Variants in KCNQ4 observed in about 807,000 individuals in gnomAD.
KCNQ4 encodes the protein potassium voltage-gated channel subfamily Q member 4.
A neutral mutation model predicts 72.6 loss-of-function variants in KCNQ4; 31 were observed. The observed-to-expected ratio is 0.43, with a 90% CI of 0.32 to 0.58. The LOEUF (loss-of-function observed/expected upper bound fraction) is 0.58. Ranked by LOEUF, KCNQ4 falls within the 20% of genes least tolerant of loss-of-function variation. The pLI, the probability that KCNQ4 is intolerant of heterozygous loss-of-function variation, is 0.08. For missense variants in KCNQ4, 869 were observed against 962.6 expected (o/e 0.90, Z 1.29); for synonymous variants, 405 against 403.7 (o/e 1.00, Z -0.04).
At chr1:40,820,018 G>T in intron 6 of KCNQ4, 33 bp downstream of exon 6, 1 of 1,587,524 alleles carries the variant, frequency 6.3e-7, no homozygotes, top group Non-Finnish European at 8.7e-7. Context: ...GGTGGGGGAG[G>T]CTGAGGGTGG....
At chr1:40,820,286 T>G in intron 7 of KCNQ4, 26 bp downstream of exon 7, 1 of 1,566,032 alleles carries the variant, frequency 6.4e-7, no homozygotes. Context: ...GAAGAAGCCC[T>G]AGGAGCAGGG....
At chr1:40,834,884 G>C in intron 11 of KCNQ4, 83 bp from the exon 12 acceptor site, 3 of 1,580,864 alleles carry the variant, frequency 1.9e-6, no homozygotes, top group Middle Eastern at 1.7e-4. Flanking sequence ...GCTGGACAAG[G>C]GGATAGCAAA....
Position 40,837,713 on chromosome 1 carries a change from G to A in KCNQ4, c.1794G>A (p.Glu598=). 1.2e-6 allele frequency: 2 copies of A among 1,613,534 alleles called. No individual in the cohort carries two copies. Among genetic ancestry groups the A allele is most frequent in the Non-Finnish European group, 1.7e-6 (2 of 1,179,814 alleles). Residue 598 remains glutamate, a synonymous_variant, in exon 13 of 14, where the codon GAG becomes GAA. Transcript: ENST00000347132. ...GRGPGDRKAR[E]KGDKGPSDAE... ...GGCCCGGGGACAGGAAGGCCCGGGA[G>A]AAGGGCGACAAGGGGCCCTCCGACG...
At chr1:40,805,903 G>A (rs1647743829) in intron 1 of KCNQ4, among the ~76,000 whole-genome samples, 1 of 151,932 alleles carries the variant, frequency 6.6e-6, no homozygotes, top group African/African-American at 2.4e-5. Flanking sequence ...GTGCAGTGGC[G>A]CAATCTCGGC....
At position 40,818,210 on chromosome 1, in the gene KCNQ4, T is replaced by C; in HGVS notation, c.452T>C (p.Val151Ala). 1.9e-6 allele frequency: 3 copies of C among 1,613,850 alleles called. No individual in the cohort carries two copies. Among genetic ancestry groups the C allele is most frequent in the Non-Finnish European group, 1.7e-6 (2 of 1,180,006 alleles). Residue 151 changes from valine (V) to alanine (A), a missense_variant, in exon 3 of 14, where the codon GTC becomes GCC. Around this residue, in one of 5 missense-constraint regions of KCNQ4, gnomAD observed 179 missense variants for 243.0 expected, o/e 0.74. Coordinates refer to ENST00000347132, the MANE Select transcript of KCNQ4 (RefSeq NM_004700.4). ...VVFGLEYIVR[V>A]WSAGCCCRYR... ...TTCGGCTTGGAGTACATCGTCCGGG[T>C]CTGGTCCGCCGGATGCTGCTGCCGC...
At position 40,838,210 on chromosome 1, in the gene KCNQ4, C is replaced by A; in HGVS notation, c.1876-101C>A. The A allele has an allele frequency of 3.0e-6, 3 of 1,001,608 alleles. No homozygotes were observed. In the South Asian group the frequency reaches 3.9e-5, roughly 13 times the overall value. The allele number at this position is 1,001,608 out of a possible 1,614,324, so 62.0% of individuals were successfully genotyped here. ...ATTTGTGCTTCCCAGATAAGCCCCG[C>A]CCACTCCACCGGCTAGGGTCCGCCC... On this transcript the variant is annotated intron_variant, in intron 13 of 13. Coordinates refer to ENST00000347132, the MANE Select transcript of KCNQ4 (RefSeq NM_004700.4).
intron 1 of KCNQ4, among the ~76,000 whole-genome samples, chr1:40,795,226 G>A (rs555430958): frequency 6.6e-6 from 1 of 150,736 alleles, no homozygotes; most frequent in African/African-American, 2.4e-5. Flanking sequence ...AAAGTGCTGT[G>A]AAGAACAGGG....
intron 6 of KCNQ4, 80 bp from the exon 7 acceptor site, chr1:40,820,085 C>A: frequency 6.6e-7 from 1 of 1,525,384 alleles, no homozygotes; most frequent in Non-Finnish European, 9.1e-7. Context: ...CTCAGAGGGG[C>A]AAGGATGGGG....
intron 1 of KCNQ4, among the ~76,000 whole-genome samples, chr1:40,805,519 TG>T (rs1647730984): frequency 1.3e-5 from 2 of 152,020 alleles, no homozygotes; most frequent in Non-Finnish European, 2.9e-5. Flanking sequence ...TCAGATGTGT[TG>T]GATTTGTTTT....
chr1:40,801,111 A>G (rs1647560175), intron 1 of KCNQ4, among the ~76,000 whole-genome samples: 2 of 147,482 alleles, frequency 1.4e-5, no homozygotes, highest in Non-Finnish European at 3.0e-5. Context: ...TCAGACTGCA[A>G]GGTAAGTGGA....
At chr1:40,803,071 T>G (rs1450995598) in intron 1 of KCNQ4, among the ~76,000 whole-genome samples, 1 of 152,246 alleles carries the variant, frequency 6.6e-6, no homozygotes, top group East Asian at 1.9e-4. Context: ...CTGGAAGTTC[T>G]GCTTATCATT....
rs1321976271 is a variant in KCNQ4, at chr1:40,783,898, T to A, written c.-196T>A. 1 of 148,918 alleles carries A rather than the reference T, an allele frequency of 6.7e-6. No individual in the cohort carries two copies. Among genetic ancestry groups the A allele is most frequent in the East Asian group, 2.0e-4 (1 of 4,892 alleles). The allele number at this position is 148,918 out of a possible 1,614,324, so 9.2% of individuals were successfully genotyped here. A position where few individuals can be genotyped will look rare whatever the true frequency, so the allele number is the denominator to read the frequency against. ...CCCCAGTCGCCGGGGAAGCGGGAGG[T>A]CAGTGCGGGCTCCGGCGGCCCCCAG... On this transcript the variant is annotated 5_prime_UTR_variant, in exon 1 of 14. Transcript: ENST00000347132. The surrounding 1 kb of genome is among the most constrained non-coding windows in gnomAD (Gnocchi z 4.4).
chr1:40,803,810 A>T (rs553966760), intron 1 of KCNQ4, among the ~76,000 whole-genome samples: 12 of 152,292 alleles, frequency 7.9e-5, no homozygotes, highest in African/African-American at 2.9e-4. Flanking sequence ...TGCTTTGCTT[A>T]TTAGTAACAA....
Position 40,838,562 on chromosome 1 carries a change from G to C in KCNQ4, c.*39G>C. On this transcript the variant is annotated 3_prime_UTR_variant, in exon 14 of 14. Coordinates refer to ENST00000347132, the MANE Select transcript of KCNQ4 (RefSeq NM_004700.4). ...GGCAGGGCAGCACACGGCCAGCCCC[G>C]CGGCCTGGCGCTCCGACTGCCCTCT... 6.3e-7 allele frequency: 1 copy of C among 1,583,052 alleles called. No homozygotes were observed. Among genetic ancestry groups the C allele is most frequent in the Non-Finnish European group, 8.7e-7 (1 of 1,151,958 alleles).
chr1:40,803,784 C>T lies in KCNQ4; in HGVS notation c.315-13481C>T, dbSNP rs967589213. ...TGTAACCAGATGCCCCAGGTGTGGC[C>T]TGTGAGTTTGCATGCTGCTTTGCTT... On this transcript the variant is annotated intron_variant, in intron 1 of 13. Transcript: ENST00000347132. Among the ~76,000 whole-genome samples, 4 of 152,212 alleles carry T rather than the reference C, an allele frequency of 2.6e-5. No individual in the cohort carries two copies. The South Asian group carries it at 8.3e-4, about 32-fold the overall frequency.
At chr1:40,796,549 C>T (rs1647416191) in intron 1 of KCNQ4, among the ~76,000 whole-genome samples, 1 of 152,080 alleles carries the variant, frequency 6.6e-6, no homozygotes. Flanking sequence ...TGTGATCTTA[C>T]CCACCTAACT....
chr1:40,823,422 A>C (rs1338299897), intron 8 of KCNQ4, among the ~76,000 whole-genome samples: 1 of 151,964 alleles, frequency 6.6e-6, no homozygotes, highest in Non-Finnish European at 1.5e-5. Context: ...TGTATGAGGG[A>C]AGATCTGGGG....
At chr1:40,797,699 C>T (rs1363637846) in intron 1 of KCNQ4, among the ~76,000 whole-genome samples, 1 of 152,164 alleles carries the variant, frequency 6.6e-6, no homozygotes, top group East Asian at 1.9e-4. Flanking sequence ...CCTTTACCTT[C>T]CCCCCAGGGT....
At chr1:40,797,711 C>A (rs1009635135) in intron 1 of KCNQ4, among the ~76,000 whole-genome samples, 2 of 152,158 alleles carry the variant, frequency 1.3e-5, no homozygotes, top group Non-Finnish European at 2.9e-5. Flanking sequence ...CCCCAGGGTC[C>A]AGCCTCCTGA....
Sources: gnomAD v4.1 joint callset for allele counts (sites outside exome capture counted in the v4.1 genomes callset) on GRCh38, gnomAD v4.1.1 for gene constraint, gnomAD v4.1.1 regional missense constraint, Gnocchi (gnomAD v3.1) non-coding constraint, MANE v1.5 for transcripts, NCBI Gene and HGNC (gene_info 2026-07-23, HGNC 2026-07-21) for gene names.